The following ASH1L variants were observed in gnomAD, a reference collection of about 807,000 sequenced individuals.
The protein encoded by ASH1L is ASH1 like histone lysine methyltransferase.
In ASH1L, 23 loss-of-function variants were observed where a neutral mutation model predicts 269.0. That is an observed-to-expected ratio of 0.09 (90% CI 0.06 to 0.12). The LOEUF (loss-of-function observed/expected upper bound fraction) is 0.12. ASH1L is among the 10% of genes least tolerant of loss of function. The probability of loss-of-function intolerance (pLI) is 1.00; values close to 1 mark genes in which losing one functional copy is unlikely to be tolerated. For synonymous variants in ASH1L, 1,187 were observed against 1,253.5 expected, an observed-to-expected ratio of 0.95 and a Z score of 1.12; for missense variants, 2,912 against 3,567.8, an observed-to-expected ratio of 0.82 and a Z score of 4.68.
chr1:155,471,982 G>A (rs906640115), intron 3 of ASH1L, among the ~76,000 whole-genome samples: 11 of 152,046 alleles, frequency 7.2e-5, no homozygotes, highest in Admixed American at 4.6e-4. Context: ...TGTGGTTTCT[G>A]TATGTTATTT....
intron 3 of ASH1L, among the ~76,000 whole-genome samples, chr1:155,476,830 G>A (rs1471273376): frequency 6.6e-6 from 1 of 151,990 alleles, no homozygotes; most frequent in Non-Finnish European, 1.5e-5. Flanking sequence ...TGGGATTACA[G>A]GTGTGAGCCA....
intron 2 of ASH1L, among the ~76,000 whole-genome samples, chr1:155,504,628 C>G (rs531106190): frequency 6.6e-6 from 1 of 151,992 alleles, no homozygotes; most frequent in Non-Finnish European, 1.5e-5. Context: ...CCAAGGCAGT[C>G]GGATCACCTG....
intron 2 of ASH1L, among the ~76,000 whole-genome samples, chr1:155,484,295 C>T (rs539548858): frequency 2.0e-4 from 31 of 151,906 alleles, no homozygotes; most frequent in East Asian, 7.8e-4. Flanking sequence ...TCGAGACCAG[C>T]TTGGCCAACA....
chr1:155,342,162 A>G, intron 24 of ASH1L, 60 bp from the exon 25 acceptor site: 1 of 1,554,180 alleles, frequency 6.4e-7, no homozygotes, highest in East Asian at 2.3e-5. Flanking sequence ...TGAGCTGCCC[A>G]AAGACCCCAT....
rs778781268 is a variant in ASH1L, at chr1:155,480,765, G to T, written c.2105C>A (p.Thr702Asn). Residue 702 changes from threonine (T) to asparagine (N), a missense_variant, in exon 3 of 28, where the codon ACT becomes AAT. By Grantham distance (65) the Thr-to-Asn change is moderately conservative (BLOSUM62 0). Transcript: ENST00000392403. Reference sequence around the variant, plus strand: ...TTTTAATGGTTTGGACTGCAAACTAGTACTTAGGCTTTCAGCAACTTGGCA... The same window carrying T: ...TTTTAATGGTTTGGACTGCAAACTATTACTTAGGCTTTCAGCAACTTGGCA... ...KHCQVAESLS[T>N]SLQSKPLKKR... 2 of 1,613,790 alleles carry T rather than the reference G, an allele frequency of 1.2e-6. No homozygotes were observed. Among genetic ancestry groups the T allele is most frequent in the Admixed American group, 3.3e-5 (2 of 59,984 alleles).
In ASH1L at chr1:155,473,545, G is replaced by A. The variant is rs368510842; in HGVS notation, c.4984+4341C>T. On this transcript the variant is annotated intron_variant, in intron 3 of 27. Transcript: ENST00000392403. ...TATCACTCTGCCAGCCCAGGCTGGA[G>A]TGAAGTGGCACGATCACAGCTTACA... 1.4e-3 allele frequency among the ~76,000 whole-genome samples: 206 copies of A among 149,720 alleles called. 1 individual carries two copies. The highest frequency in any genetic ancestry group is 4.8e-3 in the African/African-American group (194 of 40,282).
rs772762113 is a variant in ASH1L at position 155,479,898 on chromosome 1, GTCT to G, written c.2969_2971del (p.Lys990del). 6.2e-7 allele frequency: 1 copy of G among 1,613,108 alleles called. No individual in the cohort carries two copies. The highest frequency in any genetic ancestry group is 1.3e-5 in the African/African-American group (1 of 74,812). The stretch of plus-strand genomic sequence containing the variant: ...ATTCAACAGTTTCTTTCTCTTTAAA[GTCT>G]TCATTTTATTTATTTTGCGGATAAT... On this transcript the variant is annotated inframe_deletion, in exon 3 of 28. Coordinates refer to ENST00000392403, the MANE Select transcript of ASH1L (RefSeq NM_018489.3).
intron 2 of ASH1L, among the ~76,000 whole-genome samples, chr1:155,491,176 C>T (rs928446094): frequency 6.6e-6 from 1 of 151,848 alleles, no homozygotes; most frequent in Non-Finnish European, 1.5e-5. Flanking sequence ...TTAGATGGGC[C>T]CTTAATATAA....
At chr1:155,366,671 T>TTTTA (rs1346817772) in intron 12 of ASH1L, among the ~76,000 whole-genome samples, 3 of 152,236 alleles carry the variant, frequency 2.0e-5, no homozygotes, top group East Asian at 1.9e-4. Flanking sequence ...TTGTATTGGT[T>TTTTA]TTTATTTATT....
intron 4 of ASH1L, among the ~76,000 whole-genome samples, chr1:155,444,591 A>G (rs75235642): frequency 0.046 from 7,002 of 151,578 alleles, 568 homozygotes; most frequent in African/African-American, 0.16. Context: ...TTTGGCTTAC[A>G]TTTTCATTTT....
At chr1:155,526,279 A>G (rs946384867) in intron 1 of ASH1L, among the ~76,000 whole-genome samples, 6 of 152,214 alleles carry the variant, frequency 3.9e-5, no homozygotes, top group Non-Finnish European at 7.3e-5. Context: ...GGCATGTAGC[A>G]AATGTCTTTT....
intron 1 of ASH1L, among the ~76,000 whole-genome samples, chr1:155,536,284 C>A (rs919947214): frequency 6.6e-6 from 1 of 152,150 alleles, no homozygotes; most frequent in African/African-American, 2.4e-5. Context: ...AGAGGGCATG[C>A]AGGACTTATA....
At chr1:155,497,953 C>T (rs952100335) in intron 2 of ASH1L, among the ~76,000 whole-genome samples, 6 of 151,854 alleles carry the variant, frequency 4.0e-5, no homozygotes, top group Admixed American at 1.3e-4. Context: ...AGGGTTTCAC[C>T]GTGTTAGCCA....
chr1:155,559,662 G>A (rs1406085320), intron 1 of ASH1L, among the ~76,000 whole-genome samples: 1 of 151,968 alleles, frequency 6.6e-6, no homozygotes, highest in Non-Finnish European at 1.5e-5. Flanking sequence ...TTTGCAATTG[G>A]GTAACAAAAT....
At position 155,479,506 on chromosome 1, in the gene ASH1L, T is replaced by A; in HGVS notation, c.3364A>T (p.Ser1122Cys). Residue 1122 changes from serine (S) to cysteine (C), a missense_variant, in exon 3 of 28, where the codon AGT becomes TGT. By Grantham distance (112) the Ser-to-Cys change is moderately radical. Around this residue, in one of 13 missense-constraint regions of ASH1L, gnomAD observed 157 missense variants for 154.6 expected, o/e 1.02. Coordinates refer to ENST00000392403, the MANE Select transcript of ASH1L (RefSeq NM_018489.3). ...SGTSGGQSPV[S>C]SDAGFVEPSS... is the part of the protein sequence containing the mutation. The stretch of plus-strand genomic sequence containing the variant: ...GGTTCAACAAAACCTGCATCACTAC[T>A]TACAGGGCTCTGACCTCCACTAGTC... The A allele has an allele frequency of 6.2e-7, 1 of 1,614,170 alleles. No homozygotes were observed. The highest frequency in any genetic ancestry group is 8.5e-7 in the Non-Finnish European group (1 of 1,180,006).
intron 7 of ASH1L, among the ~76,000 whole-genome samples, chr1:155,394,556 G>A (rs1262373412): frequency 1.3e-5 from 2 of 152,106 alleles, no homozygotes; most frequent in Non-Finnish European, 2.9e-5. Flanking sequence ...AGAGGAGTAG[G>A]ATATATTTCA....
chr1:155,544,277 G>A (rs1670641679), intron 1 of ASH1L, among the ~76,000 whole-genome samples: 2 of 151,406 alleles, frequency 1.3e-5, no homozygotes, highest in Admixed American at 6.6e-5. Context: ...ATAACCTATG[G>A]TGGAGAAACC....
intron 10 of ASH1L, among the ~76,000 whole-genome samples, chr1:155,371,379 C>T (rs1655928116): frequency 6.6e-6 from 1 of 152,066 alleles, no homozygotes; most frequent in Admixed American, 6.6e-5. Context: ...GAAACCCTGT[C>T]TCTACTAAAA....
At chr1:155,366,009 C>T (rs190090740) in intron 12 of ASH1L, among the ~76,000 whole-genome samples, 6 of 152,184 alleles carry the variant, frequency 3.9e-5, no homozygotes, top group Non-Finnish European at 5.9e-5. Flanking sequence ...TAAACCAGAG[C>T]GACTCCATCT....
Sources: allele counts gnomAD v4.1 joint callset (sites outside exome capture counted in the v4.1 genomes callset), GRCh38; gene constraint gnomAD v4.1.1; regional missense constraint gnomAD v4.1.1; transcripts MANE v1.5; gene names NCBI Gene and HGNC (gene_info 2026-07-23, HGNC 2026-07-21).